WWTR1: variants seen among roughly 807,000 people sequenced by gnomAD.
WWTR1 encodes the protein WW domain-containing transcription regulator protein 1.
WWTR1 carries 13 observed loss-of-function variants against 40.1 expected under a neutral mutation model. That is an observed-to-expected ratio of 0.32 (90% confidence interval 0.21 to 0.52). The LOEUF is 0.52. Among genes scored for constraint, WWTR1 ranks in the 20% least tolerant of loss-of-function variants. The probability of loss-of-function intolerance (pLI) is 0.97; values close to 1 mark genes in which losing one functional copy is unlikely to be tolerated. For missense variants in WWTR1, 436 were observed against 523.1 expected (o/e 0.83, Z 1.63); for synonymous variants, 230 against 210.1 (o/e 1.09, Z -0.82).
chr3:149,579,561 T>C (rs1464675105), intron 2 of WWTR1, among the ~76,000 whole-genome samples: 8 of 151,864 alleles, frequency 5.3e-5, no homozygotes, highest in Admixed American at 3.9e-4. Context: ...CCTGTAATCT[T>C]AGCACTCTGG....
intron 2 of WWTR1, among the ~76,000 whole-genome samples, chr3:149,631,201 G>A (rs1293491097): frequency 6.6e-6 from 1 of 152,178 alleles, no homozygotes; most frequent in Non-Finnish European, 1.5e-5. Flanking sequence ...TATCATGGGG[G>A]CAGAAGCTAA....
At chr3:149,639,828 C>A (rs541181313) in intron 2 of WWTR1, among the ~76,000 whole-genome samples, 2 of 151,736 alleles carry the variant, frequency 1.3e-5, no homozygotes, top group East Asian at 3.9e-4. Context: ...CCCATCTCTA[C>A]TAAAAAATAC....
At chr3:149,639,768 T>G (rs556194141) in intron 2 of WWTR1, among the ~76,000 whole-genome samples, 3 of 151,862 alleles carry the variant, frequency 2.0e-5, no homozygotes, top group East Asian at 1.9e-4. Flanking sequence ...CCGAGGTGGG[T>G]GGATCACGAG....
At chr3:149,629,485 G>A (rs1251743170) in intron 2 of WWTR1, among the ~76,000 whole-genome samples, 1 of 152,172 alleles carries the variant, frequency 6.6e-6, no homozygotes, top group Non-Finnish European at 1.5e-5. Context: ...AGACTTTCCC[G>A]CTAGACCCTG....
intron 2 of WWTR1, among the ~76,000 whole-genome samples, chr3:149,576,696 A>C (rs1737896156): frequency 6.6e-6 from 1 of 152,218 alleles, no homozygotes; most frequent in South Asian, 2.1e-4. Context: ...AAAAAGGAAA[A>C]AGAAACATAT....
chr3:149,607,258 T>C (rs1273952074), intron 2 of WWTR1, among the ~76,000 whole-genome samples: 1 of 152,232 alleles, frequency 6.6e-6, no homozygotes, highest in Non-Finnish European at 1.5e-5. Flanking sequence ...AATCCACTAA[T>C]GCTGCTTAGA....
intron 3 of WWTR1, among the ~76,000 whole-genome samples, chr3:149,543,684 A>T (rs191854985): frequency 6.6e-6 from 1 of 150,838 alleles, no homozygotes; most frequent in East Asian, 1.9e-4. Context: ...CATTTATAAA[A>T]GTGCTAGTTT....
chr3:149,558,066 G>C (rs1686009052), intron 3 of WWTR1, among the ~76,000 whole-genome samples: 1 of 151,818 alleles, frequency 6.6e-6, no homozygotes, highest in Non-Finnish European at 1.5e-5. Flanking sequence ...CAAATGAATG[G>C]AAGCATCATA....
At chr3:149,714,605 G>A (rs1261348841) in intron 5 of WWTR1, among the ~76,000 whole-genome samples, 1 of 152,248 alleles carries the variant, frequency 6.6e-6, no homozygotes, top group Admixed American at 6.5e-5. Flanking sequence ...AGGACAGCCT[G>A]GCGCTGGCCT....
chr3:149,585,037 T>G (rs756043636), intron 2 of WWTR1, among the ~76,000 whole-genome samples: 1 of 152,014 alleles, frequency 6.6e-6, no homozygotes, highest in Non-Finnish European at 1.5e-5. Context: ...AAACACCTTA[T>G]AGTACAATGA....
At chr3:149,607,042 AT>A (rs142072502) in intron 2 of WWTR1, among the ~76,000 whole-genome samples, 4 of 152,202 alleles carry the variant, frequency 2.6e-5, no homozygotes, top group African/African-American at 9.6e-5. Context: ...TTACAATGGT[AT>A]TTTTTTATTT....
intron 2 of WWTR1, among the ~76,000 whole-genome samples, chr3:149,596,375 G>T (rs1281728813): frequency 6.6e-6 from 1 of 152,140 alleles, no homozygotes; most frequent in Non-Finnish European, 1.5e-5. Context: ...AATTAGCCCT[G>T]GCATTTCTAA....
intron 2 of WWTR1, among the ~76,000 whole-genome samples, chr3:149,615,513 T>G (rs571467075): frequency 6.6e-6 from 1 of 152,354 alleles, no homozygotes; most frequent in African/African-American, 2.4e-5. Flanking sequence ...CTCTTATGGA[T>G]ATTTGAATAT....
At chr3:149,711,775 A>T (rs1428658818) in intron 5 of WWTR1, among the ~76,000 whole-genome samples, 4 of 152,208 alleles carry the variant, frequency 2.6e-5, no homozygotes, top group Non-Finnish European at 5.9e-5. Flanking sequence ...CACATTTTCA[A>T]ATGGCTCAGA....
intron 3 of WWTR1, among the ~76,000 whole-genome samples, chr3:149,555,794 C>G (rs1736801914): frequency 6.6e-6 from 1 of 152,110 alleles, no homozygotes; most frequent in South Asian, 2.1e-4. Context: ...CAATGATGAA[C>G]AAGACAGCAA....
At chr3:149,591,921 A>C (rs1738744703) in intron 2 of WWTR1, among the ~76,000 whole-genome samples, 1 of 152,224 alleles carries the variant, frequency 6.6e-6, no homozygotes, top group Non-Finnish European at 1.5e-5. Context: ...AGTGAATACA[A>C]AGTCATTGTG....
intron 2 of WWTR1, among the ~76,000 whole-genome samples, chr3:149,585,660 G>T (rs1738388776): frequency 6.6e-6 from 1 of 151,994 alleles, no homozygotes; most frequent in South Asian, 2.1e-4. Context: ...TGAGTGCCTT[G>T]GTGGTAATGA....
At chr3:149,570,881 C>T (rs1737586943) in intron 3 of WWTR1, among the ~76,000 whole-genome samples, 3 of 152,110 alleles carry the variant, frequency 2.0e-5, no homozygotes, top group African/African-American at 7.2e-5. Context: ...CATAAAAGAA[C>T]ATGACAAAGG....
At chr3:149,621,705 T>C (rs1428075391) in intron 2 of WWTR1, among the ~76,000 whole-genome samples, 1 of 152,276 alleles carries the variant, frequency 6.6e-6, no homozygotes, top group Non-Finnish European at 1.5e-5. Context: ...TGCCCAGTTA[T>C]ATTACAGATC....
Sources: allele counts gnomAD v4.1 joint callset (sites outside exome capture counted in the v4.1 genomes callset), GRCh38; gene constraint gnomAD v4.1.1; transcripts MANE v1.5; gene names NCBI Gene and HGNC (gene_info 2026-07-23, HGNC 2026-07-21).